The following DCAF8L2 variants were observed in gnomAD, a reference collection of about 807,000 sequenced individuals.
DCAF8L2 encodes the protein DDB1 and CUL4 associated factor 8 like 2.
For missense variants in DCAF8L2, 430 were observed against 490.7 expected (o/e 0.88, Z 1.17); for synonymous variants, 200 against 190.9 (o/e 1.05, Z -0.39).
the DCAF8L2 span, among the ~76,000 whole-genome samples, chrX:27,566,041 A>G: frequency 2.3e-4 from 25 of 110,444 alleles, no homozygotes; most frequent in Non-Finnish European, 4.7e-4. Context: ...TAGGAGATGG[A>G]ATTTTCTATT....
chrX:27,556,095 GC>G, the DCAF8L2 span, among the ~76,000 whole-genome samples: 1 of 111,660 alleles, frequency 9.0e-6, no homozygotes, highest in African/African-American at 3.3e-5. Context: ...AATGAAGTCT[GC>G]ATGCTAGCCT....
chrX:27,504,514 C>T, the DCAF8L2 span, among the ~76,000 whole-genome samples: 13 of 111,318 alleles, frequency 1.2e-4, no homozygotes, highest in Middle Eastern at 4.6e-3. Context: ...ATATGTCTTA[C>T]GTCCATGGGC....
chrX:27,542,799 C>A, the DCAF8L2 span, among the ~76,000 whole-genome samples: 1 of 110,177 alleles, frequency 9.1e-6, no homozygotes, highest in African/African-American at 3.3e-5. Flanking sequence ...GCCTCGGCCT[C>A]CCAAAGTCTT....
intron 2 of DCAF8L2, among the ~76,000 whole-genome samples, chrX:27,659,841 C>A (rs1185626488): frequency 2.7e-5 from 3 of 110,633 alleles, no homozygotes; most frequent in African/African-American, 9.9e-5. Context: ...TTTCTGATTT[C>A]TTTGTATTAT....
intron 1 of DCAF8L2, among the ~76,000 whole-genome samples, chrX:27,622,032 A>G (rs1234123312): frequency 9.1e-6 from 1 of 109,940 alleles, no homozygotes; most frequent in African/African-American, 3.3e-5. Context: ...TAGTAAGAAT[A>G]TATGTTTAAA....
At chrX:27,492,567 C>G in the DCAF8L2 span, among the ~76,000 whole-genome samples, 1 of 108,480 alleles carries the variant, frequency 9.2e-6, no homozygotes, top group East Asian at 2.9e-4. Flanking sequence ...GCAACCTCCG[C>G]CTCCCAGGTT....
At chrX:27,660,839 CCAAA>C (rs1929534370) in intron 2 of DCAF8L2, among the ~76,000 whole-genome samples, 1 of 112,169 alleles carries the variant, frequency 8.9e-6, no homozygotes, top group Non-Finnish European at 1.9e-5. Context: ...CCCTGATGTG[CCAAA>C]CATTCTCCTT....
intron 4 of DCAF8L2, among the ~76,000 whole-genome samples, chrX:27,733,644 T>C (rs866257608): frequency 2.8e-4 from 31 of 112,020 alleles, no homozygotes; most frequent in African/African-American, 1.0e-3. Flanking sequence ...TATTTTTTTC[T>C]AGAAATTTCA....
chrX:27,738,171 A>G lies in DCAF8L2; in HGVS notation c.-58-8667A>G, dbSNP rs993773252. ...CACTGGAAGGTTTTGTCTAAAAAACATCTTCCCCAGAATAGGAAGTTCCCC... is the reference window on the plus strand; with the variant it reads ...CACTGGAAGGTTTTGTCTAAAAAACGTCTTCCCCAGAATAGGAAGTTCCCC... On this transcript the variant is annotated intron_variant, in intron 4 of 4. Transcript: ENST00000451261. 2.7e-5 allele frequency among the ~76,000 whole-genome samples: 3 copies of G among 111,278 alleles called. No homozygotes were observed. The Admixed American group carries it at 2.9e-4, about 11-fold the overall frequency.
At chrX:27,582,400 A>T in the DCAF8L2 span, among the ~76,000 whole-genome samples, 1 of 110,890 alleles carries the variant, frequency 9.0e-6, no homozygotes, top group Admixed American at 9.6e-5. Flanking sequence ...TATTTTATTT[A>T]GTTGTTGTGT....
Position 27,721,745 on chromosome X carries a change from A to C in DCAF8L2, c.-59+5574A>C, listed in dbSNP as rs922365443. ...CTCATAATTTTAAAAAATCACTCAC[A>C]AACTATTTTATGCAGCCCTATGTAA... is the stretch of plus-strand genomic sequence containing the variant. On this transcript the variant is annotated intron_variant, in intron 4 of 4. Transcript: ENST00000451261. Among the ~76,000 whole-genome samples the C allele has an allele frequency of 5.3e-5, 6 of 112,152 alleles. No individual in the cohort carries two copies. In the East Asian group the frequency reaches 1.1e-3, roughly 21 times the overall value.
In DCAF8L2 at chrX:27,749,906, C is replaced by CATCTT. The variant is rs770795058; in HGVS notation, c.*1116_*1117insTCTTA. 9.0e-6 allele frequency among the ~76,000 whole-genome samples: 1 copy of CATCTT among 111,478 alleles called. No individual in the cohort carries two copies. Among genetic ancestry groups the CATCTT allele is most frequent in the Non-Finnish European group, 1.9e-5 (1 of 53,113 alleles). On this transcript the variant is annotated 3_prime_UTR_variant, in exon 5 of 5. Coordinates refer to ENST00000451261, the MANE Select transcript of DCAF8L2 (RefSeq NM_001353450.2). Reference sequence around the variant, plus strand: ...AAATTAAATAAGGGTACTGGATGTCCAATTACTGCTCAATAAAAATATTTG... The same window carrying CATCTT: ...AAATTAAATAAGGGTACTGGATGTCCATCTTAATTACTGCTCAATAAAAATATTTG...
chrX:27,662,767 A>G (rs1296848920), intron 2 of DCAF8L2, among the ~76,000 whole-genome samples: 4 of 111,712 alleles, frequency 3.6e-5, no homozygotes, highest in African/African-American at 1.3e-4. Context: ...CAAAATAGCC[A>G]TGTAAATTTA....
chrX:27,644,525 A>G (rs1359344919), intron 2 of DCAF8L2, among the ~76,000 whole-genome samples: 1 of 111,510 alleles, frequency 9.0e-6, no homozygotes, highest in Non-Finnish European at 1.9e-5. Context: ...CTTGTTACAA[A>G]TCACCGAGAT....
chrX:27,738,401 C>T (rs755612296), intron 4 of DCAF8L2, among the ~76,000 whole-genome samples: 2 of 111,489 alleles, frequency 1.8e-5, no homozygotes, highest in Admixed American at 9.5e-5. Flanking sequence ...TTTCTAGGAC[C>T]TCCAATCTGC....
chrX:27,564,538 G>GCA, the DCAF8L2 span, among the ~76,000 whole-genome samples: 383 of 105,462 alleles, frequency 3.6e-3, 1 homozygote, highest in African/African-American at 0.012. Context: ...GCACACACAT[G>GCA]CACACACACA....
chrX:27,495,189 G>A, the DCAF8L2 span, among the ~76,000 whole-genome samples: 1 of 111,676 alleles, frequency 9.0e-6, no homozygotes, highest in East Asian at 2.8e-4. Context: ...AATTGTCTTG[G>A]AATCTTTGTC....
At chrX:27,551,807 A>G in the DCAF8L2 span, among the ~76,000 whole-genome samples, 5 of 112,130 alleles carry the variant, frequency 4.5e-5, no homozygotes, top group Non-Finnish European at 9.4e-5. Context: ...GAATGCAGGT[A>G]TCTCTTTGAC....
At chrX:27,601,272 C>T (rs1926628366) in intron 1 of DCAF8L2, among the ~76,000 whole-genome samples, 1 of 112,110 alleles carries the variant, frequency 8.9e-6, no homozygotes, top group African/African-American at 3.2e-5. Flanking sequence ...CAAATTCACA[C>T]CCTCACTCAT....
Sources: allele counts gnomAD v4.1 joint callset (sites outside exome capture counted in the v4.1 genomes callset), GRCh38; gene constraint gnomAD v4.1.1; transcripts MANE v1.5; gene names NCBI Gene and HGNC (gene_info 2026-07-23, HGNC 2026-07-21).